The following USF3 variants were observed in gnomAD, a reference collection of about 807,000 sequenced individuals.
USF3 encodes upstream transcription factor family member 3, also known as basic helix-loop-helix domain-containing protein USF3.
A neutral mutation model predicts 157.5 loss-of-function variants in USF3; 29 were observed. The ratio of observed to expected loss-of-function variants is 0.18; its 90% CI spans 0.14 to 0.25. USF3 has a LOEUF of 0.25. Ranked by LOEUF, USF3 falls within the 10% of genes least tolerant of loss-of-function variation. USF3 has a pLI of 1.00. For missense variants in USF3, 2,381 were observed against 2,667.6 expected, an observed-to-expected ratio of 0.89 and a Z score of 2.37; for synonymous variants, 893 against 941.4, an observed-to-expected ratio of 0.95 and a Z score of 0.94.
At position 113,694,967 on chromosome 3, in the gene USF3, C is replaced by T. The variant is rs1053740865; in HGVS notation, c.-135+1403G>A. 3.3e-5 allele frequency among the ~76,000 whole-genome samples: 5 copies of T among 152,148 alleles called. 1 individual carries two copies. Among genetic ancestry groups the T allele is most frequent in the Admixed American group, 3.3e-4 (5 of 15,268 alleles). ...GGCTGATGCAGGAGAATTGCTTGAA[C>T]CCAGGAGGCGGAGGTTGCAGTGAAC... On this transcript the variant is annotated intron_variant, in intron 1 of 6. Coordinates refer to ENST00000316407, the MANE Select transcript of USF3 (RefSeq NM_001009899.4).
chr3:113,655,551 C>T lies in USF3; in HGVS notation c.6131G>A (p.Ser2044Asn), dbSNP rs765366670. 5 of 1,614,166 alleles carry T rather than the reference C, an allele frequency of 3.1e-6. No homozygotes were observed. Among genetic ancestry groups the T allele is most frequent in the Non-Finnish European group, 4.2e-6 (5 of 1,180,020 alleles). ...TGAATTATCATTAGGTACTTGTGGG[C>T]TATCAGGCATGAAACGAACAATACT... ...RGSIVRFMPD[S>N]PQVPNDNSGP... is the part of the protein sequence containing the mutation. The change falls in exon 7 of 7, where the codon AGC becomes AAC. Residue 2044 changes from serine (S) to asparagine (N), a missense_variant. Physicochemically the swap from Ser to Asn is conservative, Grantham distance 46. Coordinates refer to ENST00000316407, the MANE Select transcript of USF3 (RefSeq NM_001009899.4).
rs1220537183 is a variant in USF3 at position 113,658,199 on chromosome 3, A to G, written c.3483T>C (p.Ala1161=). 1.2e-6 allele frequency: 2 copies of G among 1,614,148 alleles called. No individual in the cohort carries two copies. Among genetic ancestry groups the G allele is most frequent in the Non-Finnish European group, 1.7e-6 (2 of 1,180,014 alleles). Residue 1161 remains alanine (A), a synonymous_variant, in exon 7 of 7, where the codon GCT becomes GCC. Coordinates refer to ENST00000316407, the MANE Select transcript of USF3 (RefSeq NM_001009899.4). ...ACAATGATGCTTCAGAAGGCTTTGA[A>G]GCAACTTCCCTTATATCAGCCTGGA... ...VGLQADIREV[A]SKPSEASLLE... is the part of the protein sequence containing the mutation.
intron 1 of USF3, among the ~76,000 whole-genome samples, chr3:113,680,601 G>A (rs571138018): frequency 6.6e-5 from 10 of 152,016 alleles, no homozygotes; most frequent in Non-Finnish European, 1.3e-4. Flanking sequence ...CACTTGAGGT[G>A]AGGAGTTTAA....
rs1947387914 is a variant in USF3, at chr3:113,657,513, C to A, written c.4169G>T (p.Ser1390Ile). ...PNSSNSVVPV[S>I]NPAHGDGLTR... ...AAGGCCATCTCCATGAGCTGGGTTG[C>A]TAACAGGCACAACTGAGTTTGAAGA... Residue 1390 changes from serine (S) to isoleucine (I), a missense_variant, in exon 7 of 7, where the codon AGC becomes ATC. Physicochemically the swap from Ser to Ile is moderately radical, Grantham distance 142. Around this residue, in one of 6 missense-constraint regions of USF3, gnomAD observed 1,435 missense variants for 1,550.9 expected, o/e 0.93. Transcript: ENST00000316407. 6.2e-7 allele frequency: 1 copy of A among 1,613,994 alleles called. No homozygotes were observed. Among genetic ancestry groups the A allele is most frequent in the African/African-American group, 1.3e-5 (1 of 74,880 alleles).
chr3:113,676,694 G>A (rs1383200374), intron 2 of USF3, among the ~76,000 whole-genome samples: 1 of 152,192 alleles, frequency 6.6e-6, no homozygotes. Flanking sequence ...GTACACTGGA[G>A]GAGGTGCAAG....
intron 1 of USF3, among the ~76,000 whole-genome samples, chr3:113,686,283 A>G (rs955199640): frequency 6.6e-6 from 1 of 152,182 alleles, no homozygotes. Context: ...CTGAATTCCA[A>G]TGCAAAGTTG....
intron 1 of USF3, among the ~76,000 whole-genome samples, chr3:113,679,158 T>C (rs1707353211): frequency 6.6e-6 from 1 of 152,162 alleles, no homozygotes; most frequent in East Asian, 1.9e-4. Context: ...AGGATTACAT[T>C]AGTAATCTCT....
In USF3 at chr3:113,660,735, T is replaced by C. The variant is rs781339729; in HGVS notation, c.947A>G (p.His316Arg). 4 of 1,614,228 alleles carry C rather than the reference T, an allele frequency of 2.5e-6. No individual in the cohort carries two copies. The highest frequency in any genetic ancestry group is 4.5e-5 in the East Asian group (2 of 44,890). Residue 316 changes from histidine to arginine, a missense_variant, in exon 7 of 7, where the codon CAT becomes CGT. His to Arg is a conservative substitution (Grantham distance 29). This residue lies in a region of USF3 where 1,435 missense variants were observed against 1,550.9 expected (regional missense o/e 0.93). Transcript: ENST00000316407. Reference sequence around the variant, plus strand: ...TATGCTCAGGCAGGACTTGTTTCCATGGTGCACTTTAGTGGCAGTTGCTGA... The same window carrying C: ...TATGCTCAGGCAGGACTTGTTTCCACGGTGCACTTTAGTGGCAGTTGCTGA... ...SSSATATKVH[H>R]GNKSCLSIQD...
rs1278917258 is a variant in USF3 at position 113,656,713 on chromosome 3, G to A, written c.4969C>T (p.Pro1657Ser). The A allele has an allele frequency of 6.2e-7, 1 of 1,613,974 alleles. No homozygotes were observed. Among genetic ancestry groups the A allele is most frequent in the Non-Finnish European group, 8.5e-7 (1 of 1,179,992 alleles). Reference sequence around the variant, plus strand: ...ACTCTATTTCTCTCTGGCCTGTGTGGAGTACAGGTCATGTCTGAAGATCTA... The same window carrying A: ...ACTCTATTTCTCTCTGGCCTGTGTGAAGTACAGGTCATGTCTGAAGATCTA... ...VTRSSDMTCT[P>S]HRPERNRVSS... The change falls in exon 7 of 7, where the codon CCA becomes TCA. Residue 1657 changes from proline (P) to serine (S), a missense_variant. Pro to Ser is a moderately conservative substitution (Grantham distance 74). Transcript: ENST00000316407.
rs998103619 is a variant in USF3, at chr3:113,653,891, A to G, written c.*1053T>C. On this transcript the variant is annotated 3_prime_UTR_variant, in exon 7 of 7. Transcript: ENST00000316407. ...GGATAATAATGAAATATACAATGCC[A>G]TATTTAAAATATAAATGCTATCAGT... is the stretch of plus-strand genomic sequence containing the variant. 1.3e-5 allele frequency: 2 copies of G among 152,230 alleles called. No homozygotes were observed. The highest frequency in any genetic ancestry group is 2.9e-5 in the Non-Finnish European group (2 of 68,032). The allele number at this position is 152,230 out of a possible 1,614,324, so 9.4% of individuals were successfully genotyped here.
intron 5 of USF3, among the ~76,000 whole-genome samples, chr3:113,666,906 A>G (rs1947579330): frequency 6.6e-6 from 1 of 151,960 alleles, no homozygotes; most frequent in African/African-American, 2.4e-5. Flanking sequence ...GTTGCTAATG[A>G]CTGTATTTAT....
At position 113,658,031 on chromosome 3, in the gene USF3, TAG is replaced by T; in HGVS notation, c.3649_3650del (p.Leu1217ArgfsTer3). ...AAGATGCATTTGATGTTTTAATTCC[TAG>T]AGAACAACTTGGTTTCTCAAGGGGC... is the stretch of plus-strand genomic sequence containing the variant. ...ERPLEKPSCSLGIKTSNASLQ... is the reference protein window; with the variant it reads ...ERPLEKPSCSXGIKTSNASLQ... On this transcript the variant is annotated frameshift_variant, in exon 7 of 7. Transcript: ENST00000316407. LOFTEE classifies it high-confidence loss of function. The T allele has an allele frequency of 6.2e-7, 1 of 1,614,180 alleles. No homozygotes were observed. Among genetic ancestry groups the T allele is most frequent in the Non-Finnish European group, 8.5e-7 (1 of 1,180,010 alleles).
At position 113,661,269 on chromosome 3, in the gene USF3, A is replaced by C; in HGVS notation, c.413T>G (p.Ile138Ser). 1 of 1,614,128 alleles carries C rather than the reference A, an allele frequency of 6.2e-7. No homozygotes were observed. Among genetic ancestry groups the C allele is most frequent in the South Asian group, 1.1e-5 (1 of 91,080 alleles). ...NLKNSKVSVV[I>S]PSDQVQKKII... ...TTTTTTTTGAACCTGGTCACTAGGAATAACAACAGAGACCTTTGAGTTTTT... is the reference window on the plus strand; with the variant it reads ...TTTTTTTTGAACCTGGTCACTAGGACTAACAACAGAGACCTTTGAGTTTTT... Residue 138 changes from isoleucine to serine, a missense_variant, in exon 7 of 7, where the codon ATT (isoleucine) becomes AGT (serine). Coordinates refer to ENST00000316407, the MANE Select transcript of USF3 (RefSeq NM_001009899.4).
chr3:113,673,149 T>C (rs1707198389), intron 4 of USF3, among the ~76,000 whole-genome samples, 199 bp downstream of exon 4: 1 of 152,188 alleles, frequency 6.6e-6, no homozygotes, highest in Non-Finnish European at 1.5e-5. Flanking sequence ...AAATAGACTA[T>C]GAATCAGAAG....
chr3:113,656,606 G>C lies in USF3; in HGVS notation c.5076C>G (p.Ser1692=). Residue 1692 remains serine (S), a synonymous_variant, in exon 7 of 7, where the codon TCC becomes TCG. Transcript: ENST00000316407. The part of the protein sequence containing the change: ...EQRMGISIQG[S]RVSDQLEMRS... ...TCATTTCAAGCTGATCTGAAACTCT[G>C]GAACCCTGAATTGATATCCCCATTC... 6.2e-7 allele frequency: 1 copy of C among 1,614,182 alleles called. No individual in the cohort carries two copies. The highest frequency in any genetic ancestry group is 8.5e-7 in the Non-Finnish European group (1 of 1,180,026).
chr3:113,670,441 A>G (rs547558481), intron 4 of USF3, among the ~76,000 whole-genome samples: 61 of 152,274 alleles, frequency 4.0e-4, no homozygotes, highest in African/African-American at 1.4e-3. Flanking sequence ...TCTACTAAAA[A>G]TACAAAAAGT....
Position 113,650,177 on chromosome 3 carries a change from C to A in USF3, c.*4767G>T, listed in dbSNP as rs117334086. 1,203 of 299,710 alleles carry A rather than the reference C, an allele frequency of 4.0e-3. 24 individuals are homozygous for A. Among genetic ancestry groups the A allele is most frequent in the Admixed American group, 0.036 (725 of 20,314 alleles). The allele number at this position is 299,710 out of a possible 1,614,324, so 18.6% of individuals were successfully genotyped here. On this transcript the variant is annotated 3_prime_UTR_variant, in exon 7 of 7. Coordinates refer to ENST00000316407, the MANE Select transcript of USF3 (RefSeq NM_001009899.4). ...GGCTCCTAAAGATATCACTCCAAAG[C>A]TGTTTCATTTTGGTATCACCTTTGC...
chr3:113,655,324 T>C lies in USF3; in HGVS notation c.6358A>G (p.Thr2120Ala). The C allele has an allele frequency of 3.1e-6, 5 of 1,613,978 alleles. No homozygotes were observed. Among genetic ancestry groups the C allele is most frequent in the Non-Finnish European group, 4.2e-6 (5 of 1,179,932 alleles). ...FYPPYSPAHP[T>A]LSNDISIPYF... Reference sequence around the variant, plus strand: ...GGGATTGAAATATCATTGGACAGTGTAGGATGAGCAGGAGAGTATGGAGGA... The same window carrying C: ...GGGATTGAAATATCATTGGACAGTGCAGGATGAGCAGGAGAGTATGGAGGA... The change falls in exon 7 of 7, where the codon ACA (threonine) becomes GCA (alanine). Residue 2120 changes from threonine to alanine, a missense_variant. Thr to Ala is a moderately conservative substitution (Grantham distance 58, BLOSUM62 0). This residue lies in a region of USF3 where 770 missense variants were observed against 824.2 expected (regional missense o/e 0.93). Transcript: ENST00000316407.
At position 113,649,948 on chromosome 3, in the gene USF3, C is replaced by G. The variant is rs1237738610; in HGVS notation, c.*4996G>C. ...GGAAAGAAAAATGGTAATGTTCAGC[C>G]AAAAAGGCATCTTGAGAAGAAACTA... is the stretch of plus-strand genomic sequence containing the variant. On this transcript the variant is annotated 3_prime_UTR_variant, in exon 7 of 7. Coordinates refer to ENST00000316407, the MANE Select transcript of USF3 (RefSeq NM_001009899.4). 1.5e-6 allele frequency: 1 copy of G among 671,746 alleles called. No homozygotes were observed. The highest frequency in any genetic ancestry group is 1.8e-5 in the African/African-American group (1 of 55,272). 41.6% of individuals were successfully genotyped at this position (671,746 alleles called of 1,614,324 possible). A position where few individuals can be genotyped will look rare whatever the true frequency, so the allele number is the denominator to read the frequency against.
Sources: allele counts gnomAD v4.1 joint callset (sites outside exome capture counted in the v4.1 genomes callset), GRCh38; gene constraint gnomAD v4.1.1; regional missense constraint gnomAD v4.1.1; transcripts MANE v1.5; gene names NCBI Gene and HGNC (gene_info 2026-07-23, HGNC 2026-07-21).